Variants in EP300 observed in about 807,000 individuals in gnomAD.
The protein encoded by EP300 is EP300 lysine acetyltransferase.
In EP300, 31 loss-of-function variants were observed where a neutral mutation model predicts 264.0. The ratio of observed to expected loss-of-function variants is 0.12; its 90% CI spans 0.09 to 0.16. The LOEUF (loss-of-function observed/expected upper bound fraction) is 0.16. EP300 is among the 10% of genes least tolerant of loss of function. EP300 has a pLI of 1.00. For synonymous variants in EP300, 1,340 were observed against 1,045.4 expected (o/e 1.28, Z -5.44); for missense variants, 2,766 against 3,052.9 (o/e 0.91, Z 2.21).
At chr22:41,140,953 T>A in intron 9 of EP300, 95 bp from the exon 10 acceptor site, 1 of 1,205,324 alleles carries the variant, frequency 8.3e-7, no homozygotes, top group Non-Finnish European at 1.2e-6. Flanking sequence ...GCATATAAAA[T>A]GAAACTAATA....
chr22:41,151,215 G>C lies in EP300; in HGVS notation c.2818-618G>C, dbSNP rs574721254. Among the ~76,000 whole-genome samples the C allele has an allele frequency of 2.2e-4, 33 of 152,184 alleles. No individual in the cohort carries two copies. In the East Asian group the frequency reaches 6.2e-3, roughly 28 times the overall value. Reference sequence around the variant, plus strand: ...GTACTTGACGGATGGCTGGTTCATCGTGGCCTCTGATAGACAAGGAAGGAC... The same window carrying C: ...GTACTTGACGGATGGCTGGTTCATCCTGGCCTCTGATAGACAAGGAAGGAC... On this transcript the variant is annotated intron_variant, in intron 14 of 30. Transcript: ENST00000263253.
chr22:41,166,719 TAAG>T, intron 23 of EP300, 53 bp downstream of exon 23: 1 of 1,239,796 alleles, frequency 8.1e-7, no homozygotes, highest in Non-Finnish European at 1.2e-6. Flanking sequence ...GAAGCCTAGA[TAAG>T]AAACCATCCA....
chr22:41,114,975 G>T (rs2058813169), intron 1 of EP300, among the ~76,000 whole-genome samples: 1 of 152,104 alleles, frequency 6.6e-6, no homozygotes, highest in Non-Finnish European at 1.5e-5. Context: ...TGGAATTTTT[G>T]TTGTTGTTAG....
At chr22:41,153,936 T>A (rs556121475) in intron 16 of EP300, among the ~76,000 whole-genome samples, 2 of 152,288 alleles carry the variant, frequency 1.3e-5, no homozygotes, top group South Asian at 4.1e-4. Context: ...GAAATTTTTT[T>A]TGCCAATTAA....
intron 8 of EP300, 120 bp downstream of exon 8, chr22:41,137,910 A>C: frequency 7.5e-7 from 1 of 1,326,592 alleles, no homozygotes; most frequent in Non-Finnish European, 1.1e-6. Context: ...ATGGAGGTTG[A>C]TGTTGATACT....
chr22:41,104,349 G>A (rs1245041130), intron 1 of EP300, among the ~76,000 whole-genome samples: 1 of 151,806 alleles, frequency 6.6e-6, no homozygotes, highest in Non-Finnish European at 1.5e-5. Flanking sequence ...GAGTGCAGTG[G>A]TGTAATCTTG....
rs537781018 is a variant in EP300, at chr22:41,179,170, G to A, written c.*214G>A. 2 of 605,088 alleles carry A rather than the reference G, an allele frequency of 3.3e-6. No homozygotes were observed. Among genetic ancestry groups the A allele is most frequent in the African/African-American group, 1.8e-5 (1 of 54,142 alleles). The allele number at this position is 605,088 out of a possible 1,614,324, so 37.5% of individuals were successfully genotyped here. A position where few individuals can be genotyped will look rare whatever the true frequency, so the allele number is the denominator to read the frequency against. ...CAAAGAATATATTTTTGTTATGGCT[G>A]GTTACCACCAGCCTTTCTTCCCCTT... On this transcript the variant is annotated 3_prime_UTR_variant, in exon 31 of 31. Coordinates refer to ENST00000263253, the MANE Select transcript of EP300 (RefSeq NM_001429.4).
chr22:41,101,657 C>T lies in EP300; in HGVS notation c.94+8559C>T, dbSNP rs766192683. Among the ~76,000 whole-genome samples, 61 of 152,060 alleles carry T rather than the reference C, an allele frequency of 4.0e-4. 2 individuals carry two copies. The highest frequency in any genetic ancestry group is 4.0e-3 in the Admixed American group (61 of 15,252). On this transcript the variant is annotated intron_variant, in intron 1 of 30. Transcript: ENST00000263253. The stretch of plus-strand genomic sequence containing the variant: ...CGATCTGCTGACTTCATAATCTACC[C>T]TTCTCGGCCTCCCAAAGTGCTGGGA...
chr22:41,129,444 T>C (rs1601605868), intron 4 of EP300, among the ~76,000 whole-genome samples: 1 of 152,376 alleles, frequency 6.6e-6, no homozygotes, highest in Admixed American at 6.5e-5. Context: ...TTAAATGTTA[T>C]TGAGGGTTTG....
chr22:41,129,319 C>T (rs1207935460), intron 4 of EP300, among the ~76,000 whole-genome samples: 1 of 152,136 alleles, frequency 6.6e-6, no homozygotes, highest in Non-Finnish European at 1.5e-5. Flanking sequence ...CCAAAACACA[C>T]TATCGTTTTT....
At chr22:41,148,008 G>C in intron 12 of EP300, 62 bp downstream of exon 12, 3 of 1,139,584 alleles carry the variant, frequency 2.6e-6, no homozygotes, top group Non-Finnish European at 3.8e-6. Context: ...AATCCTGTTT[G>C]TTCCTACTTT....
Position 41,169,222 on chromosome 22 carries a change from A to G in EP300, c.4173-281A>G, listed in dbSNP as rs957136316. The G allele has an allele frequency of 5.5e-6, 3 of 549,406 alleles. No individual in the cohort carries two copies. In the Admixed American group the frequency reaches 9.3e-5, roughly 17 times the overall value. The allele number at this position is 549,406 out of a possible 1,614,324, so 34.0% of individuals were successfully genotyped here. A position where few individuals can be genotyped will look rare whatever the true frequency, so the allele number is the denominator to read the frequency against. ...GGAATTTCTTTTCTCCAAAAATAGTATAAAGGCAATAATAAAAACGTATAG... is the reference window on the plus strand; with the variant it reads ...GGAATTTCTTTTCTCCAAAAATAGTGTAAAGGCAATAATAAAAACGTATAG... On this transcript the variant is annotated intron_variant, in intron 25 of 30. Coordinates refer to ENST00000263253, the MANE Select transcript of EP300 (RefSeq NM_001429.4).
Position 41,125,916 on chromosome 22 carries a change from C to T in EP300, c.782C>T (p.Pro261Leu), listed in dbSNP as rs2058879541. ...NPYGSPYTQN[P>L]GQQIGASGLG... ...TATGGTTCACCATATACTCAGAATC[C>T]TGGACAGCAGATTGGAGCCAGTGGC... The change falls in exon 3 of 31, where the codon CCT becomes CTT. Residue 261 changes from proline (P) to leucine (L), a missense_variant. Physicochemically the swap from Pro to Leu is moderately conservative, Grantham distance 98 (BLOSUM62 -3). Transcript: ENST00000263253. 6.2e-7 allele frequency: 1 copy of T among 1,614,136 alleles called. No homozygotes were observed. Among genetic ancestry groups the T allele is most frequent in the Non-Finnish European group, 8.5e-7 (1 of 1,180,020 alleles).
In EP300 at chr22:41,168,871, TG is replaced by T. The variant is rs780518563; in HGVS notation, c.4172+5del. On this transcript the variant is annotated splice_donor_5th_base_variant and intron_variant, in intron 25 of 30. Transcript: ENST00000263253. ...ACTGCCCTCCACCCAACCAGAGGTA[TG>T]ACTAGCTCACAGTGGCTAGCTCCGG... The T allele has an allele frequency of 6.8e-6, 11 of 1,614,128 alleles. No individual in the cohort carries two copies. The highest frequency in any genetic ancestry group is 3.3e-5 in the Admixed American group (2 of 60,004).
At chr22:41,133,382 C>G (rs965938984) in intron 6 of EP300, among the ~76,000 whole-genome samples, 6 of 151,942 alleles carry the variant, frequency 3.9e-5, no homozygotes, top group Admixed American at 3.9e-4. Context: ...AACTCCTGAC[C>G]TCAGGTGATC....
chr22:41,146,749 A>G lies in EP300; in HGVS notation c.2064A>G (p.Leu688=), dbSNP rs61756763. The change falls in exon 11 of 31, where the codon CTA becomes CTG. Residue 688 remains leucine (L), a synonymous_variant. Coordinates refer to ENST00000263253, the MANE Select transcript of EP300 (RefSeq NM_001429.4). The part of the protein sequence containing the change: ...PQPGMTSNGP[L]PDPSMIRGSV... ...TCTTTTTTACTCTAGATGGCCCTCT[A>G]CCTGACCCAAGTATGATCCGTGGCA... The G allele has an allele frequency of 3.6e-3, 5,780 of 1,614,102 alleles. 15 individuals carry two copies. Among genetic ancestry groups the G allele is most frequent in the Middle Eastern group, 0.011 (69 of 6,062 alleles).
chr22:41,170,669 T>TTTC, intron 27 of EP300, 98 bp downstream of exon 27: 1 of 1,354,786 alleles, frequency 7.4e-7, no homozygotes, highest in Non-Finnish European at 1.0e-6. Flanking sequence ...TTTTTTTTTT[T>TTTC]TTTTTTTTTT....
rs1441286113 is a variant in EP300, at chr22:41,111,340, GTTTATA to G, written c.95-5841_95-5836del. 7.9e-5 allele frequency among the ~76,000 whole-genome samples: 12 copies of G among 152,220 alleles called. No individual in the cohort carries two copies. In the East Asian group the frequency reaches 1.9e-3, roughly 24 times the overall value. ...GGCATACAGAAATTCACTTTGATAC[GTTTATA>G]TTTATGGTATAACCAGTCATCTTGC... On this transcript the variant is annotated intron_variant, in intron 1 of 30. Transcript: ENST00000263253.
chr22:41,110,282 A>ATTTT (rs71200660), intron 1 of EP300, among the ~76,000 whole-genome samples: 15 of 48,222 alleles, frequency 3.1e-4, no homozygotes, highest in African/African-American at 5.0e-4. Context: ...TATCCAGCTA[A>ATTTT]TTTTTTTTTT....
Sources: gnomAD v4.1 joint callset for allele counts (sites outside exome capture counted in the v4.1 genomes callset) on GRCh38, gnomAD v4.1.1 for gene constraint, MANE v1.5 for transcripts, NCBI Gene and HGNC (gene_info 2026-07-23, HGNC 2026-07-21) for gene names.